DLG5: variants seen among roughly 807,000 people sequenced by gnomAD.
The protein encoded by DLG5 is discs large MAGUK scaffold protein 5.
DLG5 carries 48 observed loss-of-function variants against 189.8 expected under a neutral mutation model. That is an observed-to-expected ratio of 0.25 (90% CI 0.20 to 0.32). The LOEUF (loss-of-function observed/expected upper bound fraction) is 0.32. DLG5 is among the 10% of genes least tolerant of loss of function. The pLI, the probability that DLG5 is intolerant of heterozygous loss-of-function variation, is 1.00. For synonymous variants in DLG5, 1,016 were observed against 1,054.1 expected, an observed-to-expected ratio of 0.96 and a Z score of 0.70; for missense variants, 2,160 against 2,544.7, an observed-to-expected ratio of 0.85 and a Z score of 3.25.
In DLG5 at chr10:77,796,338, G is replaced by A; in HGVS notation, c.5308+113C>T. On this transcript the variant is annotated intron_variant, in intron 28 of 31. Coordinates refer to ENST00000372391, the MANE Select transcript of DLG5 (RefSeq NM_004747.4). This position sits in a 1 kb window ranked among gnomAD's most constrained non-coding sequence, Gnocchi z 5.2. Reference sequence around the variant, plus strand: ...CATGTCAGCAGGCTTCTGGAACACTGTGAAATCTGCCCCCCGGTACTGCCA... The same window carrying A: ...CATGTCAGCAGGCTTCTGGAACACTATGAAATCTGCCCCCCGGTACTGCCA... The A allele has an allele frequency of 6.3e-7, 1 of 1,585,284 alleles. No homozygotes were observed. Among genetic ancestry groups the A allele is most frequent in the Non-Finnish European group, 8.6e-7 (1 of 1,161,860 alleles).
At chr10:77,807,700 G>T in intron 25 of DLG5, 96 bp downstream of exon 25, 1 of 1,420,612 alleles carries the variant, frequency 7.0e-7, no homozygotes, top group Non-Finnish European at 9.6e-7. Flanking sequence ...AGCCTTGGGG[G>T]GCAAGAAACA....
In DLG5 at chr10:77,796,145, T is replaced by G; in HGVS notation, c.5352A>C (p.Lys1784Asn). The change falls in exon 29 of 32, where the codon AAA (lysine) becomes AAC (asparagine). Residue 1784 changes from lysine to asparagine, a missense_variant. By Grantham distance (94) the Lys-to-Asn change is moderately conservative. Transcript: ENST00000372391. The surrounding 1 kb of genome is among the most constrained non-coding windows in gnomAD (Gnocchi z 5.2). ...GCTTATAGTCGACAAACAGGCAATC[T>G]TTGACACCCCGCTCAATGGCCTGCT... ...ASQQAIERGV[K>N]DCLFVDYKRR... 1 of 1,614,158 alleles carries G rather than the reference T, an allele frequency of 6.2e-7. No homozygotes were observed. Among genetic ancestry groups the G allele is most frequent in the East Asian group, 2.2e-5 (1 of 44,886 alleles).
intron 13 of DLG5, among the ~76,000 whole-genome samples, chr10:77,825,043 C>G (rs572235637): frequency 6.6e-6 from 1 of 152,286 alleles, no homozygotes; most frequent in African/African-American, 2.4e-5. Flanking sequence ...AACTGTGATA[C>G]ACCCACATTG....
intron 14 of DLG5, among the ~76,000 whole-genome samples, chr10:77,822,679 T>C (rs7094653): frequency 0.035 from 5,288 of 152,136 alleles, 305 homozygotes; most frequent in African/African-American, 0.12. Context: ...GTCTTGAATA[T>C]TTTTTTTAAA....
At position 77,805,702 on chromosome 10, in the gene DLG5, C is replaced by T. The variant is rs773545465; in HGVS notation, c.5127G>A (p.Leu1709=). The T allele has an allele frequency of 9.3e-6, 15 of 1,613,578 alleles. No individual in the cohort carries two copies. In the South Asian group the frequency reaches 1.6e-4, roughly 18 times the overall value. Residue 1709 remains leucine, a synonymous_variant, in exon 27 of 32, where the codon TTG becomes TTA. Coordinates refer to ENST00000372391, the MANE Select transcript of DLG5 (RefSeq NM_004747.4). ...GAATGGAGTCACTGGAAAAGGCATC[C>T]AAGGCGAGCAGGTCTTTCCCGTCCT... ...GSKDGKDLLA[L]DAFSSDSIPL...
At chr10:77,849,253 C>T (rs1031496537) in intron 5 of DLG5, among the ~76,000 whole-genome samples, 2 of 152,242 alleles carry the variant, frequency 1.3e-5, no homozygotes, top group African/African-American at 4.8e-5. Flanking sequence ...CCTGCAAGGG[C>T]CTCTTCAAGT....
At chr10:77,912,747 A>C (rs1425125260) in intron 1 of DLG5, among the ~76,000 whole-genome samples, 1 of 152,224 alleles carries the variant, frequency 6.6e-6, no homozygotes, top group Non-Finnish European at 1.5e-5. Context: ...TGAAGACAAG[A>C]GTACCCAGTG....
At chr10:77,809,172 C>T (rs1460265765) in intron 24 of DLG5, among the ~76,000 whole-genome samples, 7 of 151,426 alleles carry the variant, frequency 4.6e-5, no homozygotes, top group African/African-American at 7.3e-5. Context: ...TTTGGAAGGC[C>T]GAGGCGGGCA....
At position 77,854,354 on chromosome 10, in the gene DLG5, T is replaced by G. The variant is rs1417878526; in HGVS notation, c.553A>C (p.Asn185His). Reference sequence around the variant, plus strand: ...ATCTTCAGCCTCTCATAGTCAGGATTCAGCCTGTGGTAGGGCCTGGCCCAG... The same window carrying G: ...ATCTTCAGCCTCTCATAGTCAGGATGCAGCCTGTGGTAGGGCCTGGCCCAG... ...AFDKRPYHRL[N>H]PDYERLKIQC... Residue 185 changes from asparagine (N) to histidine (H), a missense_variant, in exon 4 of 32, where the codon AAT (asparagine) becomes CAT (histidine). Coordinates refer to ENST00000372391, the MANE Select transcript of DLG5 (RefSeq NM_004747.4). 1.2e-6 allele frequency: 2 copies of G among 1,614,114 alleles called. No individual in the cohort carries two copies. The highest frequency in any genetic ancestry group is 1.7e-6 in the Non-Finnish European group (2 of 1,180,036).
chr10:77,868,409 T>C, intron 2 of DLG5: 1 of 314,154 alleles, frequency 3.2e-6, no homozygotes, highest in Non-Finnish European at 6.3e-6. Context: ...ATGAAAGAGC[T>C]GTCCTGACTA....
upstream of DLG5, among the ~76,000 whole-genome samples, chr10:77,931,573 C>G (rs751367063): frequency 2.6e-5 from 4 of 152,082 alleles, no homozygotes; most frequent in Non-Finnish European, 5.9e-5. Flanking sequence ...CTGAGCACAA[C>G]TCCCCATAGA....
At chr10:77,819,532 T>C in intron 16 of DLG5, 67 bp from the exon 17 acceptor site, 1 of 1,541,660 alleles carries the variant, frequency 6.5e-7, no homozygotes, top group East Asian at 2.3e-5. Flanking sequence ...TACACAAGCC[T>C]TTCCCCTGTA....
At chr10:77,806,718 A>AGGGCGC in intron 26 of DLG5, 40 bp downstream of exon 26, 1 of 1,333,652 alleles carries the variant, frequency 7.5e-7, no homozygotes, top group Non-Finnish European at 1.1e-6. Flanking sequence ...GCCCTCGGCG[A>AGGGCGC]CCCCTGCCCC....
chr10:77,906,916 G>A lies in DLG5; in HGVS notation c.304+19301C>T, dbSNP rs563398237. 2.2e-4 allele frequency among the ~76,000 whole-genome samples: 33 copies of A among 152,098 alleles called. 1 individual carries two copies. The South Asian group carries it at 5.8e-3, about 27-fold the overall frequency. On this transcript the variant is annotated intron_variant, in intron 1 of 31. Coordinates refer to ENST00000372391, the MANE Select transcript of DLG5 (RefSeq NM_004747.4). Reference sequence around the variant, plus strand: ...GCTGGGATTACAGGTATGAGCCACCGCGCCTGGCCCAGAGCTCCACTTTTT... The same window carrying A: ...GCTGGGATTACAGGTATGAGCCACCACGCCTGGCCCAGAGCTCCACTTTTT...
At chr10:77,864,645 C>A (rs972029505) in intron 2 of DLG5, among the ~76,000 whole-genome samples, 2 of 152,258 alleles carry the variant, frequency 1.3e-5, no homozygotes, top group Non-Finnish European at 1.5e-5. Flanking sequence ...AAAAGCCCTC[C>A]GGGTGATTCC....
rs575114493 is a variant in DLG5 at position 77,821,489 on chromosome 10, G to A, written c.2995C>T (p.His999Tyr). 2 of 1,612,850 alleles carry A rather than the reference G, an allele frequency of 1.2e-6. No homozygotes were observed. The highest frequency in any genetic ancestry group is 1.1e-5 in the South Asian group (1 of 91,082). Reference sequence around the variant, plus strand: ...GCCCTCTTGGAGGGCTGGGGAGAGTGAGCAGGCCCAGGACCTGGAAGCAGG... The same window carrying A: ...GCCCTCTTGGAGGGCTGGGGAGAGTAAGCAGGCCCAGGACCTGGAAGCAGG... ...DYLLPGPGPA[H>Y]SPQPSKRAGP... Residue 999 changes from histidine to tyrosine, a missense_variant, in exon 15 of 32, where the codon CAC (histidine) becomes TAC (tyrosine). Around this residue, in one of 5 missense-constraint regions of DLG5, gnomAD observed 754 missense variants for 746.5 expected, o/e 1.01. Transcript: ENST00000372391.
chr10:77,813,584 C>T (rs559988234), intron 20 of DLG5, among the ~76,000 whole-genome samples: 2 of 152,284 alleles, frequency 1.3e-5, no homozygotes, highest in Admixed American at 1.3e-4. Context: ...ATTACAGCCC[C>T]GTGCTGTTGA....
At chr10:77,797,086 T>C (rs1840963318) in intron 27 of DLG5, among the ~76,000 whole-genome samples, 1 of 152,138 alleles carries the variant, frequency 6.6e-6, no homozygotes. Flanking sequence ...CCTTAAGAAA[T>C]GGCAGAGGCA....
chr10:77,854,595 G>C (rs1214978544), intron 3 of DLG5, among the ~76,000 whole-genome samples: 1 of 152,184 alleles, frequency 6.6e-6, no homozygotes, highest in African/African-American at 2.4e-5. Context: ...CTCCCTGCAT[G>C]GGCCTGGAGA....
Sources: allele counts gnomAD v4.1 joint callset (sites outside exome capture counted in the v4.1 genomes callset), GRCh38; gene constraint gnomAD v4.1.1; regional missense constraint gnomAD v4.1.1; non-coding constraint Gnocchi (gnomAD v3.1); transcripts MANE v1.5; gene names NCBI Gene and HGNC (gene_info 2026-07-23, HGNC 2026-07-21).